The following SLIT2 variants were observed in gnomAD, a reference collection of about 807,000 sequenced individuals.
SLIT2 encodes the protein slit homolog 2 protein.
In SLIT2, 41 loss-of-function variants were observed where a neutral mutation model predicts 185.7. The ratio of observed to expected loss-of-function variants is 0.22; its 90% CI spans 0.17 to 0.29. The LOEUF is 0.29. Among genes scored for constraint, SLIT2 ranks in the 10% least tolerant of loss-of-function variants. The probability of loss-of-function intolerance (pLI) is 1.00; values close to 1 mark genes in which losing one functional copy is unlikely to be tolerated. For missense variants in SLIT2, 1,571 were observed against 1,909.0 expected (o/e 0.82, Z 3.30); for synonymous variants, 693 against 680.2 (o/e 1.02, Z -0.29).
intron 29 of SLIT2, 129 bp from the exon 30 acceptor site, chr4:20,589,515 G>T (rs1727332315): frequency 4.2e-6 from 3 of 709,872 alleles, no homozygotes; most frequent in Admixed American, 4.8e-5. Flanking sequence ...TTTGTTTTGG[G>T]TTTTTTGCTT....
At chr4:20,463,246 C>T (rs192512748) in intron 4 of SLIT2, among the ~76,000 whole-genome samples, 1 of 151,868 alleles carries the variant, frequency 6.6e-6, no homozygotes, top group East Asian at 2.0e-4. Context: ...CCACCTCTTT[C>T]CCCAGCGTTG....
At chr4:20,425,903 T>C (rs931241633) in intron 4 of SLIT2, among the ~76,000 whole-genome samples, 7 of 152,212 alleles carry the variant, frequency 4.6e-5, no homozygotes, top group Non-Finnish European at 1.0e-4. Flanking sequence ...CTCTCCCTCC[T>C]ATGCCAATCC....
chr4:20,580,065 T>TTA lies in SLIT2; in HGVS notation c.3089-9561_3089-9560dup, dbSNP rs35298444. Among the ~76,000 whole-genome samples, 365 of 138,542 alleles carry TTA rather than the reference T, an allele frequency of 2.6e-3. 2 individuals are homozygous for TTA. The highest frequency in any genetic ancestry group is 0.015 in the Middle Eastern group (4 of 274). The allele number at this position is 138,542 out of a possible 152,430, so 90.9% of individuals were successfully genotyped here. A position where few individuals can be genotyped will look rare whatever the true frequency, so the allele number is the denominator to read the frequency against. On this transcript the variant is annotated intron_variant, in intron 29 of 36. Transcript: ENST00000504154. ...GTATATATTATATATTATGTATATA[T>TTA]TATATATATATATATATATTTGAGA...
At chr4:20,618,144 C>T (rs1338889882) in intron 36 of SLIT2, among the ~76,000 whole-genome samples, 1 of 152,142 alleles carries the variant, frequency 6.6e-6, no homozygotes, top group African/African-American at 2.4e-5. Context: ...GTGAGAGGAA[C>T]GGAAACAGGC....
chr4:20,616,737 A>T, intron 34 of SLIT2, 173 bp from the exon 35 acceptor site: 1 of 611,482 alleles, frequency 1.6e-6, no homozygotes, highest in Non-Finnish European at 2.8e-6. Flanking sequence ...AATACAGAAC[A>T]AAACAAAAAC....
intron 33 of SLIT2, among the ~76,000 whole-genome samples, chr4:20,600,179 G>T (rs1004356674): frequency 6.6e-6 from 1 of 151,658 alleles, no homozygotes. Context: ...TTTATGTAAT[G>T]GTGCAGCACA....
intron 4 of SLIT2, among the ~76,000 whole-genome samples, chr4:20,453,220 A>G (rs1228586810): frequency 6.6e-6 from 1 of 152,132 alleles, no homozygotes; most frequent in Non-Finnish European, 1.5e-5. Context: ...ATGGATTTAA[A>G]TTTTCTGAAT....
intron 4 of SLIT2, among the ~76,000 whole-genome samples, chr4:20,353,654 C>T (rs1303816900): frequency 6.6e-6 from 1 of 152,144 alleles, no homozygotes; most frequent in East Asian, 1.9e-4. Flanking sequence ...CAGGTAAATA[C>T]ATTAGAGGCT....
intron 24 of SLIT2, among the ~76,000 whole-genome samples, chr4:20,550,292 T>C (rs34131335): frequency 0.034 from 5,206 of 152,120 alleles, 120 homozygotes; most frequent in Non-Finnish European, 0.057. Flanking sequence ...CATTTCCCCA[T>C]TTTCTGTTGG....
chr4:20,255,243 G>C (rs1711684170), intron 1 of SLIT2, among the ~76,000 whole-genome samples: 1 of 152,204 alleles, frequency 6.6e-6, no homozygotes, highest in African/African-American at 2.4e-5. Context: ...GTCTCCACCC[G>C]CGCAGCCCAT....
chr4:20,588,391 A>G (rs920877077), intron 29 of SLIT2, among the ~76,000 whole-genome samples: 1 of 152,160 alleles, frequency 6.6e-6, no homozygotes, highest in African/African-American at 2.4e-5. Context: ...CTAGCAGTGT[A>G]TTATTTTAAA....
At chr4:20,336,603 C>T (rs1181473102) in intron 4 of SLIT2, among the ~76,000 whole-genome samples, 1 of 152,044 alleles carries the variant, frequency 6.6e-6, no homozygotes, top group African/African-American at 2.4e-5. Context: ...ATGGGTGCAG[C>T]ACACCAACAT....
intron 4 of SLIT2, chr4:20,364,341 A>G (rs1199743429): frequency 6.5e-6 from 6 of 916,390 alleles, no homozygotes; most frequent in Non-Finnish European, 7.8e-6. Flanking sequence ...GCATTTCAGG[A>G]TAGCTGGACA....
intron 4 of SLIT2, among the ~76,000 whole-genome samples, chr4:20,315,288 C>A (rs530015353): frequency 6.6e-6 from 1 of 152,202 alleles, no homozygotes; most frequent in East Asian, 1.9e-4. Flanking sequence ...TGCAAAACGT[C>A]ATGAATATTC....
At chr4:20,472,297 T>TATATCTATATATAC in intron 5 of SLIT2, among the ~76,000 whole-genome samples, 1 of 27,700 alleles carries the variant, frequency 3.6e-5, no homozygotes, top group Non-Finnish European at 5.4e-5. Context: ...GATATATAGA[T>TATATCTATATATAC]ATATAGATCT....
intron 7 of SLIT2, among the ~76,000 whole-genome samples, chr4:20,486,663 G>A (rs1374876569): frequency 6.6e-6 from 1 of 151,984 alleles, no homozygotes; most frequent in East Asian, 1.9e-4. Flanking sequence ...TCCTTATAAC[G>A]TGAAATTATA....
chr4:20,372,035 G>C (rs1430625106), intron 4 of SLIT2, among the ~76,000 whole-genome samples: 1 of 152,080 alleles, frequency 6.6e-6, no homozygotes, highest in Non-Finnish European at 1.5e-5. Flanking sequence ...TCATCATTCT[G>C]TTGCTTCAAG....
At chr4:20,280,202 G>T (rs1034373290) in intron 4 of SLIT2, among the ~76,000 whole-genome samples, 2 of 151,680 alleles carry the variant, frequency 1.3e-5, no homozygotes, top group African/African-American at 4.8e-5. Flanking sequence ...GCGTGGTGGC[G>T]GGCGCCTGTA....
At chr4:20,352,717 C>G (rs1231638082) in intron 4 of SLIT2, among the ~76,000 whole-genome samples, 1 of 152,076 alleles carries the variant, frequency 6.6e-6, no homozygotes, top group East Asian at 1.9e-4. Context: ...ATTGAGATCA[C>G]CCTGGCTCAA....
Sources: allele counts gnomAD v4.1 joint callset (sites outside exome capture counted in the v4.1 genomes callset), GRCh38; gene constraint gnomAD v4.1.1; transcripts MANE v1.5; gene names NCBI Gene and HGNC (gene_info 2026-07-23, HGNC 2026-07-21).